Variants in CALU observed in about 807,000 individuals in gnomAD.
The protein encoded by CALU is IEF SSP 9302.
A neutral mutation model predicts 37.5 loss-of-function variants in CALU; 13 were observed. That is an observed-to-expected ratio of 0.35 (90% CI 0.23 to 0.55). The LOEUF (loss-of-function observed/expected upper bound fraction) is 0.55, where lower values mean the gene tolerates loss of function less well. CALU is among the 20% of genes least tolerant of loss of function. The probability of loss-of-function intolerance (pLI) is 0.89; values close to 1 mark genes in which losing one functional copy is unlikely to be tolerated. For synonymous variants in CALU, 114 were observed against 133.8 expected, an observed-to-expected ratio of 0.85 and a Z score of 1.02; for missense variants, 282 against 391.7, an observed-to-expected ratio of 0.72 and a Z score of 2.36.
chr7:128,749,172 G>A (rs573570859), intron 2 of CALU, among the ~76,000 whole-genome samples: 1 of 152,272 alleles, frequency 6.6e-6, no homozygotes, highest in Admixed American at 6.5e-5. Context: ...TACTGACCTG[G>A]CACAAGCCAA....
rs1329058691 is a variant in CALU at position 128,772,644 on chromosome 7, T to C, written c.*3477T>C. The C allele has an allele frequency of 1.5e-5, 24 of 1,613,974 alleles. No individual in the cohort carries two copies. Among genetic ancestry groups the C allele is most frequent in the East Asian group, 4.5e-5 (2 of 44,886 alleles). ...ATGGCCTTCCCACACACCATCTTCATGATGCAAGCTTGGAACTGGAGAGAA... is the reference window on the plus strand; with the variant it reads ...ATGGCCTTCCCACACACCATCTTCACGATGCAAGCTTGGAACTGGAGAGAA... On this transcript the variant is annotated 3_prime_UTR_variant, in exon 7 of 7. Transcript: ENST00000249364.
intron 6 of CALU, among the ~76,000 whole-genome samples, 200 bp from the exon 7 acceptor site, chr7:128,768,863 A>AAAAAAAAAAAAAAAAAAC (rs1554368156): frequency 1.4e-5 from 2 of 148,050 alleles, no homozygotes; most frequent in African/African-American, 5.2e-5. Flanking sequence ...AAAAAAAAAA[A>AAAAAAAAAAAAAAAAAAC]AAAAACAAGG....
intron 1 of CALU, among the ~76,000 whole-genome samples, chr7:128,747,039 A>G (rs1293525353): frequency 2.6e-5 from 4 of 152,122 alleles, no homozygotes; most frequent in Admixed American, 2.6e-4. Flanking sequence ...GTGTGCTGGG[A>G]TTACAAGCAT....
intron 3 of CALU, 26 bp downstream of exon 3, chr7:128,754,481 A>G: frequency 6.2e-7 from 1 of 1,608,026 alleles, no homozygotes; most frequent in Non-Finnish European, 8.5e-7. Flanking sequence ...CTGGGGGAAA[A>G]AGCCTTGTGG....
At chr7:128,746,071 C>A (rs1410767458) in intron 1 of CALU, among the ~76,000 whole-genome samples, 2 of 150,960 alleles carry the variant, frequency 1.3e-5, no homozygotes, top group Admixed American at 6.6e-5. Flanking sequence ...GAGATCTTGA[C>A]GTTGTTTTGA....
At chr7:128,757,083 TAAA>T (rs200603035) in intron 3 of CALU, among the ~76,000 whole-genome samples, 1 of 142,800 alleles carries the variant, frequency 7.0e-6, no homozygotes, top group African/African-American at 2.6e-5. Flanking sequence ...GACTATAAAT[TAAA>T]AAAAAAAAAA....
intron 1 of CALU, among the ~76,000 whole-genome samples, chr7:128,741,501 G>A (rs1267960329): frequency 6.6e-6 from 1 of 152,164 alleles, no homozygotes; most frequent in Non-Finnish European, 1.5e-5. Context: ...GTAACCTATG[G>A]TCATTGTTTT....
rs1801562788 is a variant in CALU at position 128,771,497 on chromosome 7, A to C, written c.*2330A>C. On this transcript the variant is annotated 3_prime_UTR_variant, in exon 7 of 7. Transcript: ENST00000249364. The stretch of plus-strand genomic sequence containing the variant: ...TCATTATGGGGTATGTATGACCTTC[A>C]TTTTCCAAGAAATAGAACTCTAGCT... The C allele has an allele frequency of 6.6e-6, 1 of 152,606 alleles. No homozygotes were observed. Among genetic ancestry groups the C allele is most frequent in the Admixed American group, 6.5e-5 (1 of 15,286 alleles). The allele number at this position is 152,606 out of a possible 1,614,324, so 9.5% of individuals were successfully genotyped here. A position where few individuals can be genotyped will look rare whatever the true frequency, so the allele number is the denominator to read the frequency against.
chr7:128,768,863 A>AAAAAAAAAAAAAAAAAAAAAAAAAC (rs1554368156), intron 6 of CALU, among the ~76,000 whole-genome samples, 200 bp from the exon 7 acceptor site: 3 of 148,050 alleles, frequency 2.0e-5, no homozygotes, highest in African/African-American at 7.8e-5. Context: ...AAAAAAAAAA[A>AAAAAAAAAAAAAAAAAAAAAAAAAC]AAAAACAAGG....
rs1414625626 is a variant in CALU, at chr7:128,771,930, T to G, written c.*2763T>G. The G allele has an allele frequency of 1.3e-5, 2 of 153,812 alleles. No homozygotes were observed. Among genetic ancestry groups the G allele is most frequent in the Non-Finnish European group, 2.9e-5 (2 of 69,222 alleles). 9.5% of individuals were successfully genotyped at this position (153,812 alleles called of 1,614,324 possible). A position where few individuals can be genotyped will look rare whatever the true frequency, so the allele number is the denominator to read the frequency against. ...AGACAAATATAAAGGTTTAGCCAAA[T>G]GCAACGGGGAGGAAGCACCTGGAAT... On this transcript the variant is annotated 3_prime_UTR_variant, in exon 7 of 7. Transcript: ENST00000249364.
rs751533093 is a variant in CALU, at chr7:128,754,287, G to A, written c.247G>A (p.Asp83Asn). Residue 83 changes from aspartate to asparagine, a missense_variant, in exon 3 of 7, where the codon GAC becomes AAC. Physicochemically the swap from Asp to Asn is conservative, Grantham distance 23 (BLOSUM62 1). Transcript: ENST00000249364. ...AAAGATTGTAAGTAAAATAGATGGC[G>A]ACAAGGACGGGTTTGTCACTGTGGA... ...LGKIVSKIDG[D>N]KDGFVTVDEL... is the part of the protein sequence containing the mutation. 15 of 1,607,102 alleles carry A rather than the reference G, an allele frequency of 9.3e-6. No individual in the cohort carries two copies. Among genetic ancestry groups the A allele is most frequent in the African/African-American group, 5.4e-5 (4 of 74,422 alleles).
intron 5 of CALU, among the ~76,000 whole-genome samples, chr7:128,766,855 G>A (rs1322201177): frequency 6.6e-6 from 1 of 152,138 alleles, no homozygotes; most frequent in Non-Finnish European, 1.5e-5. Context: ...TTATAAAGTG[G>A]GACAAGGGCA....
chr7:128,747,313 C>G (rs1284017073), intron 1 of CALU, among the ~76,000 whole-genome samples: 4 of 152,148 alleles, frequency 2.6e-5, no homozygotes, highest in African/African-American at 9.7e-5. Context: ...CTACCCATTT[C>G]TCTATGGGTT....
chr7:128,742,410 C>T (rs1416558377), intron 1 of CALU, among the ~76,000 whole-genome samples: 1 of 152,204 alleles, frequency 6.6e-6, no homozygotes, highest in East Asian at 1.9e-4. Context: ...CTACCACACC[C>T]ATTTCTCCCA....
At chr7:128,744,361 A>G (rs182294998) in intron 1 of CALU, among the ~76,000 whole-genome samples, 177 of 152,150 alleles carry the variant, frequency 1.2e-3, no homozygotes, top group Non-Finnish European at 2.1e-3. Context: ...CAAAAACCAT[A>G]TGGTTTTAGA....
intron 5 of CALU, among the ~76,000 whole-genome samples, 158 bp downstream of exon 5, chr7:128,760,010 A>G (rs953880117): frequency 6.6e-6 from 1 of 152,240 alleles, no homozygotes; most frequent in East Asian, 1.9e-4. Context: ...AGCCTGGCCA[A>G]CATGGGGAAA....
rs1801554422 is a variant in CALU, at chr7:128,771,325, C to G, written c.*2158C>G. ...TTAAATCAAGCCTGAGGCTGGTGAA[C>G]AGTAGCTACACACCCATATTGTGTG... On this transcript the variant is annotated 3_prime_UTR_variant, in exon 7 of 7. Transcript: ENST00000249364. 1 of 152,548 alleles carries G rather than the reference C, an allele frequency of 6.6e-6. No homozygotes were observed. Among genetic ancestry groups the G allele is most frequent in the Admixed American group, 6.5e-5 (1 of 15,274 alleles). 9.4% of individuals were successfully genotyped at this position (152,548 alleles called of 1,614,324 possible).
At position 128,750,237 on chromosome 7, in the gene CALU, A is replaced by AG. The variant is rs200762573; in HGVS notation, c.221+1433_221+1434insG. Among the ~76,000 whole-genome samples, 50 of 100,080 alleles carry AG rather than the reference A, an allele frequency of 5.0e-4. 1 individual carries two copies. Among genetic ancestry groups the AG allele is most frequent in the Non-Finnish European group, 7.9e-4 (32 of 40,416 alleles). 65.7% of individuals were successfully genotyped at this position (100,080 alleles called of 152,430 possible). On this transcript the variant is annotated intron_variant, in intron 2 of 6. Coordinates refer to ENST00000249364, the MANE Select transcript of CALU (RefSeq NM_001219.5). The stretch of plus-strand genomic sequence containing the variant: ...AGCCATCTCAAAAAAAAAAAAAAAA[A>AG]AAAGAAAATAGAAATGCAGAGGGTA...
chr7:128,757,130 A>G (rs573808155), intron 3 of CALU, among the ~76,000 whole-genome samples: 1 of 152,112 alleles, frequency 6.6e-6, no homozygotes, highest in Admixed American at 6.6e-5. Flanking sequence ...TTATATATAT[A>G]TGTGCATGTT....
Sources: gnomAD v4.1 joint callset for allele counts (sites outside exome capture counted in the v4.1 genomes callset) on GRCh38, gnomAD v4.1.1 for gene constraint, MANE v1.5 for transcripts, NCBI Gene and HGNC (gene_info 2026-07-23, HGNC 2026-07-21) for gene names.